BRMS1: variants seen among roughly 807,000 people sequenced by gnomAD.
BRMS1 encodes BRMS1 transcriptional repressor and anoikis regulator, also known as breast cancer metastasis-suppressor 1.
BRMS1 carries 26 observed loss-of-function variants against 40.4 expected under a neutral mutation model. The observed-to-expected ratio is 0.64, with a 90% CI of 0.47 to 0.89. The LOEUF is 0.89. Among genes scored for constraint, BRMS1 ranks in the 40% least tolerant of loss-of-function variants. BRMS1 has a pLI of 0.00. For missense variants in BRMS1, 289 were observed against 309.4 expected (o/e 0.93, Z 0.49); for synonymous variants, 103 against 116.0 (o/e 0.89, Z 0.72).
intron 1 of BRMS1, among the ~76,000 whole-genome samples, chr11:66,342,678 T>C (rs891462134): frequency 2.0e-5 from 3 of 152,234 alleles, no homozygotes; most frequent in Non-Finnish European, 2.9e-5. Context: ...GCGATTCTCC[T>C]GCCTCAGCCT....
chr11:66,342,010 G>A (rs1354841143), intron 2 of BRMS1, 86 bp downstream of exon 2: 1 of 1,445,832 alleles, frequency 6.9e-7, no homozygotes, highest in Non-Finnish European at 9.4e-7. Context: ...GTGCGTGCAT[G>A]CTTGTGTGTA....
chr11:66,337,963 TGGCTTTG>T, intron 9 of BRMS1, 74 bp from the exon 10 acceptor site: 4 of 1,527,408 alleles, frequency 2.6e-6, no homozygotes, highest in Non-Finnish European at 3.6e-6. Flanking sequence ...ACTTACTGAG[TGGCTTTG>T]GGCTGGCCCA....
At chr11:66,342,289 G>T (rs1374807427) in intron 1 of BRMS1, 48 bp from the exon 2 acceptor site, 2 of 1,599,632 alleles carry the variant, frequency 1.3e-6, no homozygotes, top group Non-Finnish European at 1.7e-6. Flanking sequence ...ACAGCTCAGA[G>T]GGGGAAAGAG....
chr11:66,338,509 A>T, intron 8 of BRMS1: 3 of 1,527,322 alleles, frequency 2.0e-6, no homozygotes, highest in Middle Eastern at 1.7e-4. Flanking sequence ...CCTGCCCCAG[A>T]ACGGGAAGGG....
rs529599194 is a variant in BRMS1, at chr11:66,340,712, A to C, written c.535+62T>G. 4.7e-5 allele frequency: 66 copies of C among 1,413,418 alleles called. No homozygotes were observed. The East Asian group carries it at 1.1e-3, about 23-fold the overall frequency. 87.6% of individuals were successfully genotyped at this position (1,413,418 alleles called of 1,614,324 possible). A position where few individuals can be genotyped will look rare whatever the true frequency, so the allele number is the denominator to read the frequency against. ...TTGACTTCAGGACATCTGAAGCCCA[A>C]AGAGGGGTGGGCGTGGACTGAGCGG... On this transcript the variant is annotated intron_variant, in intron 6 of 9. Transcript: ENST00000359957.
intron 7 of BRMS1, 192 bp downstream of exon 7, chr11:66,339,929 G>T (rs1855027170): frequency 1.8e-6 from 1 of 552,518 alleles, no homozygotes. Context: ...GGTTCACATA[G>T]CCCAGAGAGA....
At chr11:66,338,012 C>T in intron 9 of BRMS1, 123 bp from the exon 10 acceptor site, 2 of 1,232,956 alleles carry the variant, frequency 1.6e-6, no homozygotes, top group Non-Finnish European at 2.3e-6. Context: ...CCACAGCCCT[C>T]CCTGACCCCT....
In BRMS1 at chr11:66,340,461, G is replaced by A. The variant is rs562694439; in HGVS notation, c.536-248C>T. 3.9e-5 allele frequency among the ~76,000 whole-genome samples: 6 copies of A among 152,236 alleles called. No individual in the cohort carries two copies. The East Asian group carries it at 1.2e-3, about 29-fold the overall frequency. ...GGAGAGTGGGATGACGACAATTCCT[G>A]CCACCCCAGGACTCCACGTGAACAC... On this transcript the variant is annotated intron_variant, in intron 6 of 9. Coordinates refer to ENST00000359957, the MANE Select transcript of BRMS1 (RefSeq NM_015399.4).
chr11:66,337,580 C>G lies in BRMS1; in HGVS notation c.*302G>C. On this transcript the variant is annotated 3_prime_UTR_variant, in exon 10 of 10. Transcript: ENST00000359957. ...GTGGCTTTGACTTCGGCTGTCTTCT[C>G]TGTCAGGGGAGCCCCAAGAGATGGA... 1.8e-6 allele frequency: 2 copies of G among 1,107,802 alleles called. No individual in the cohort carries two copies. The allele number at this position is 1,107,802 out of a possible 1,614,324, so 68.6% of individuals were successfully genotyped here.
intron 9 of BRMS1, 76 bp from the exon 10 acceptor site, chr11:66,337,965 G>A (rs1854966898): frequency 6.6e-7 from 1 of 1,514,760 alleles, no homozygotes; most frequent in South Asian, 1.2e-5. Flanking sequence ...TTACTGAGTG[G>A]CTTTGGGCTG....
In BRMS1 at chr11:66,338,725, T is replaced by C. The variant is rs544134195; in HGVS notation, c.689A>G (p.Lys230Arg). 17 of 1,608,318 alleles carry C rather than the reference T, an allele frequency of 1.1e-5. No homozygotes were observed. In the African/African-American group the frequency reaches 1.5e-4, roughly 14 times the overall value. Residue 230 changes from lysine to arginine, a missense_variant, in exon 8 of 10, where the codon AAA (lysine) becomes AGA (arginine). Physicochemically the swap from Lys to Arg is conservative, Grantham distance 26. Transcript: ENST00000359957. Reference sequence around the variant, plus strand: ...GTGGGCAGCAGCGGCCCCCACCTTTTTGATGGCTGTCCAGTCCTCCAGGAT... The same window carrying C: ...GTGGGCAGCAGCGGCCCCCACCTTTCTGATGGCTGTCCAGTCCTCCAGGAT... ...IDILEDWTAIKKARAAVSPQK... is the reference protein window; with the variant it reads ...IDILEDWTAIRKARAAVSPQK...
In BRMS1 at chr11:66,341,318, T is replaced by A; in HGVS notation, c.246A>T (p.Arg82=). 1 of 1,612,956 alleles carries A rather than the reference T, an allele frequency of 6.2e-7. No homozygotes were observed. Among genetic ancestry groups the A allele is most frequent in the Non-Finnish European group, 8.5e-7 (1 of 1,179,060 alleles). ...CCAGCCGCAACCGCAGCTGACTCAG[T>A]CGTTCCCTGAACAACCTGCGTGGTA... ...SELKEKLFRE[R]LSQLRLRLEE... is the part of the protein sequence containing the mutation. Residue 82 remains arginine (R), a synonymous_variant, in exon 4 of 10, where the codon CGA becomes CGT. Transcript: ENST00000359957. The surrounding 1 kb of genome is among the most constrained non-coding windows in gnomAD (Gnocchi z 4.9).
chr11:66,342,292 G>C, intron 1 of BRMS1, 51 bp from the exon 2 acceptor site: 1 of 1,598,760 alleles, frequency 6.3e-7, no homozygotes, highest in Non-Finnish European at 8.5e-7. Flanking sequence ...GCTCAGAGGG[G>C]GAAAGAGGCA....
chr11:66,338,468 G>A lies in BRMS1; in HGVS notation c.694-186C>T, dbSNP rs770782222. On this transcript the variant is annotated intron_variant, in intron 8 of 9. Coordinates refer to ENST00000359957, the MANE Select transcript of BRMS1 (RefSeq NM_015399.4). ...TGCTGGCCAGCTCAGCGGCTCTCCCGCCTCCCCGCCACCCTCCCACCCCAT... is the reference window on the plus strand; with the variant it reads ...TGCTGGCCAGCTCAGCGGCTCTCCCACCTCCCCGCCACCCTCCCACCCCAT... 5.3e-6 allele frequency: 8 copies of A among 1,512,368 alleles called. No individual in the cohort carries two copies. The Admixed American group carries it at 6.1e-5, about 11-fold the overall frequency. The allele number at this position is 1,512,368 out of a possible 1,614,324, so 93.7% of individuals were successfully genotyped here.
chr11:66,341,846 TG>T lies in BRMS1; in HGVS notation c.140-224del. The T allele has an allele frequency of 1.5e-6, 1 of 665,782 alleles. No individual in the cohort carries two copies. The highest frequency in any genetic ancestry group is 2.7e-6 in the Non-Finnish European group (1 of 372,792). The allele number at this position is 665,782 out of a possible 1,614,324, so 41.2% of individuals were successfully genotyped here. A position where few individuals can be genotyped will look rare whatever the true frequency, so the allele number is the denominator to read the frequency against. Reference sequence around the variant, plus strand: ...TGCGTGCTTGTGTGAAGGGGCTGTGTGCACGTGTACTTGTGTGAAGGGGCTG... The same window carrying T: ...TGCGTGCTTGTGTGAAGGGGCTGTGTCACGTGTACTTGTGTGAAGGGGCTG... On this transcript the variant is annotated intron_variant, in intron 2 of 9. Coordinates refer to ENST00000359957, the MANE Select transcript of BRMS1 (RefSeq NM_015399.4). This position sits in a 1 kb window ranked among gnomAD's most constrained non-coding sequence, Gnocchi z 4.9.
intron 9 of BRMS1, 139 bp from the exon 10 acceptor site, chr11:66,338,028 G>T (rs779021207): frequency 2.5e-6 from 3 of 1,177,772 alleles, no homozygotes; most frequent in South Asian, 1.5e-5. Context: ...CCCCTCCTGA[G>T]TGGGAGCTCC....
At chr11:66,339,166 C>G (rs1286223473) in intron 7 of BRMS1, among the ~76,000 whole-genome samples, 1 of 152,210 alleles carries the variant, frequency 6.6e-6, no homozygotes, top group African/African-American at 2.4e-5. Context: ...CTTGATGTCT[C>G]CATGCCTTCA....
At position 66,341,413 on chromosome 11, in the gene BRMS1, C is replaced by T. The variant is rs1319485789; in HGVS notation, c.231-80G>A. On this transcript the variant is annotated intron_variant, in intron 3 of 9. Transcript: ENST00000359957. The surrounding 1 kb of genome is among the most constrained non-coding windows in gnomAD (Gnocchi z 4.9). ...AAACACATACCCAGCACCCATTCCA[C>T]AGCAAGCCCGGTGTTAGGCGCGCAC... is the stretch of plus-strand genomic sequence containing the variant. 11 of 1,603,404 alleles carry T rather than the reference C, an allele frequency of 6.9e-6. No homozygotes were observed. Among genetic ancestry groups the T allele is most frequent in the Non-Finnish European group, 8.5e-6 (10 of 1,172,400 alleles).
intron 1 of BRMS1, among the ~76,000 whole-genome samples, chr11:66,342,924 A>T (rs758628506): frequency 6.6e-6 from 1 of 152,094 alleles, no homozygotes; most frequent in Non-Finnish European, 1.5e-5. Flanking sequence ...CTTGTCTTTC[A>T]TTGTGCTCTG....
Sources: allele counts gnomAD v4.1 joint callset (sites outside exome capture counted in the v4.1 genomes callset), GRCh38; gene constraint gnomAD v4.1.1; non-coding constraint Gnocchi (gnomAD v3.1); transcripts MANE v1.5; gene names NCBI Gene and HGNC (gene_info 2026-07-23, HGNC 2026-07-21).